The following RNF34 variants were observed in gnomAD, a reference collection of about 807,000 sequenced individuals.
RNF34 encodes E3 ubiquitin-protein ligase RNF34.
Under a neutral mutation model 37.9 loss-of-function variants are expected in RNF34, and 12 were observed. The ratio of observed to expected loss-of-function variants is 0.32; its 90% CI spans 0.20 to 0.51. The LOEUF is 0.51. Among genes scored for constraint, RNF34 ranks in the 20% least tolerant of loss-of-function variants. RNF34 has a pLI of 0.97. For missense variants in RNF34, 362 were observed against 472.7 expected (o/e 0.77, Z 2.17); for synonymous variants, 155 against 177.2 (o/e 0.87, Z 1.00).
At chr12:121,408,124 A>G (rs1870723781) in intron 1 of RNF34, among the ~76,000 whole-genome samples, 1 of 152,064 alleles carries the variant, frequency 6.6e-6, no homozygotes, top group Admixed American at 6.6e-5. Flanking sequence ...TGGGCAGCAT[A>G]TCAAGACCCC....
In RNF34 at chr12:121,420,179, G is replaced by C. The variant is rs1871987817; in HGVS notation, c.634-63G>C. On this transcript the variant is annotated intron_variant, in intron 3 of 5. Coordinates refer to ENST00000361234, the MANE Select transcript of RNF34 (RefSeq NM_025126.4). ...CATCATGGGGAGCATCAATGACAAGGTTTTCTCTAGTGATAAATACAGATT... is the reference window on the plus strand; with the variant it reads ...CATCATGGGGAGCATCAATGACAAGCTTTTCTCTAGTGATAAATACAGATT... 2.0e-6 allele frequency: 3 copies of C among 1,495,778 alleles called. No homozygotes were observed. The Admixed American group carries it at 5.1e-5, about 25-fold the overall frequency. The allele number at this position is 1,495,778 out of a possible 1,614,324, so 92.7% of individuals were successfully genotyped here. A position where few individuals can be genotyped will look rare whatever the true frequency, so the allele number is the denominator to read the frequency against.
Position 121,417,551 on chromosome 12 carries a change from C to G in RNF34, c.273C>G (p.Val91=). Residue 91 remains valine, a synonymous_variant, in exon 3 of 6, where the codon GTC becomes GTG. Transcript: ENST00000361234. This position sits in a 1 kb window ranked among gnomAD's most constrained non-coding sequence, Gnocchi z 5.0. Reference sequence around the variant, plus strand: ...AGGATTTTTGCTCCGTTTGTTCAGTCTTACAAGAAAATCTCCGTAGATGTT... The same window carrying G: ...AGGATTTTTGCTCCGTTTGTTCAGTGTTACAAGAAAATCTCCGTAGATGTT... ...CKKDFCSVCS[V]LQENLRRCST... 6.2e-7 allele frequency: 1 copy of G among 1,614,106 alleles called. No homozygotes were observed. The highest frequency in any genetic ancestry group is 1.1e-5 in the South Asian group (1 of 91,080).
chr12:121,414,167 A>T lies in RNF34; in HGVS notation c.7-1992A>T, dbSNP rs564619232. On this transcript the variant is annotated intron_variant, in intron 1 of 5. Coordinates refer to ENST00000361234, the MANE Select transcript of RNF34 (RefSeq NM_025126.4). Reference sequence around the variant, plus strand: ...ACAGTCCAGCATTTTACATGCTATTATAAAATGTTTGACAGAATCAGATAA... The same window carrying T: ...ACAGTCCAGCATTTTACATGCTATTTTAAAATGTTTGACAGAATCAGATAA... 7.3e-3 allele frequency among the ~76,000 whole-genome samples: 1,115 copies of T among 152,370 alleles called. 41 individuals are homozygous for T. Among genetic ancestry groups the T allele is most frequent in the Admixed American group, 0.057 (870 of 15,302 alleles).
At position 121,423,872 on chromosome 12, in the gene RNF34, T is replaced by C. The variant is rs1555283897; in HGVS notation, c.*296T>C. On this transcript the variant is annotated 3_prime_UTR_variant, in exon 6 of 6. Coordinates refer to ENST00000361234, the MANE Select transcript of RNF34 (RefSeq NM_025126.4). This position sits in a 1 kb window ranked among gnomAD's most constrained non-coding sequence, Gnocchi z 4.3. ...ATGTGGGCATCAGCCACTGCTGTCT[T>C]GGGAGGACACTTATCCTGTTCTCTT... The C allele has an allele frequency of 2.9e-6, 1 of 349,422 alleles. No individual in the cohort carries two copies. The highest frequency in any genetic ancestry group is 5.3e-6 in the Non-Finnish European group (1 of 188,198). The allele number at this position is 349,422 out of a possible 1,614,324, so 21.6% of individuals were successfully genotyped here. A position where few individuals can be genotyped will look rare whatever the true frequency, so the allele number is the denominator to read the frequency against.
In RNF34 at chr12:121,423,262, C is replaced by T. The variant is rs1317240518; in HGVS notation, c.929-124C>T. 4.6e-6 allele frequency: 3 copies of T among 652,454 alleles called. No homozygotes were observed. Among genetic ancestry groups the T allele is most frequent in the Non-Finnish European group, 7.9e-6 (3 of 380,468 alleles). The allele number at this position is 652,454 out of a possible 1,614,324, so 40.4% of individuals were successfully genotyped here. A position where few individuals can be genotyped will look rare whatever the true frequency, so the allele number is the denominator to read the frequency against. On this transcript the variant is annotated intron_variant, in intron 5 of 5. Transcript: ENST00000361234. This position sits in a 1 kb window ranked among gnomAD's most constrained non-coding sequence, Gnocchi z 4.3. ...GAAGTTGGGATTATTTCTTGTACAA[C>T]ACTGGGGTGGCATTGGGCCTGCAGG...
rs1281447262 is a variant in RNF34 at position 121,400,129 on chromosome 12, A to G, written c.-84A>G. 2 of 1,511,998 alleles carry G rather than the reference A, an allele frequency of 1.3e-6. No individual in the cohort carries two copies. The highest frequency in any genetic ancestry group is 1.8e-6 in the Non-Finnish European group (2 of 1,120,120). 93.7% of individuals were successfully genotyped at this position (1,511,998 alleles called of 1,614,324 possible). A position where few individuals can be genotyped will look rare whatever the true frequency, so the allele number is the denominator to read the frequency against. ...TCCCGGGGCGCGGTAATCACCGCCC[A>G]GAGGGAAGGAGGTCGGCAGTGTGAG... On this transcript the variant is annotated 5_prime_UTR_variant, in exon 1 of 6. Coordinates refer to ENST00000361234, the MANE Select transcript of RNF34 (RefSeq NM_025126.4).
At chr12:121,400,880 G>C (rs1326553870) in intron 1 of RNF34, among the ~76,000 whole-genome samples, 1 of 152,172 alleles carries the variant, frequency 6.6e-6, no homozygotes, top group African/African-American at 2.4e-5. Flanking sequence ...TTGAAGAAAA[G>C]GGGAAAGGGG....
chr12:121,422,444 C>T (rs1872249561), intron 5 of RNF34, among the ~76,000 whole-genome samples: 1 of 152,214 alleles, frequency 6.6e-6, no homozygotes, highest in African/African-American at 2.4e-5. Context: ...CTTGAGTTGC[C>T]TAGTGCCTTC....
At chr12:121,418,317 C>T (rs1555282655) in intron 3 of RNF34, 1 of 164,884 alleles carries the variant, frequency 6.1e-6, no homozygotes, top group African/African-American at 2.4e-5. Flanking sequence ...ATTTGTCTTG[C>T]TACAGTGAAA....
rs782659625 is a variant in RNF34, at chr12:121,423,358, G to A, written c.929-28G>A. On this transcript the variant is annotated intron_variant, in intron 5 of 5. Transcript: ENST00000361234. The surrounding 1 kb of genome is among the most constrained non-coding windows in gnomAD (Gnocchi z 4.3). ...TGGCTGACTGGCCATGCCTGAAGCC[G>A]AGGCCTTAGCTCTCTGTTGCCTTTC... 13 of 1,559,250 alleles carry A rather than the reference G, an allele frequency of 8.3e-6. No individual in the cohort carries two copies. The highest frequency in any genetic ancestry group is 3.6e-5 in the Admixed American group (2 of 54,932).
At position 121,423,281 on chromosome 12, in the gene RNF34, C is replaced by T. The variant is rs1872321479; in HGVS notation, c.929-105C>T. On this transcript the variant is annotated intron_variant, in intron 5 of 5. Transcript: ENST00000361234. The surrounding 1 kb of genome is among the most constrained non-coding windows in gnomAD (Gnocchi z 4.3). ...GTACAACACTGGGGTGGCATTGGGCCTGCAGGGGTCATTCAGCAGGTGGCT... is the reference window on the plus strand; with the variant it reads ...GTACAACACTGGGGTGGCATTGGGCTTGCAGGGGTCATTCAGCAGGTGGCT... 4.9e-6 allele frequency: 4 copies of T among 816,894 alleles called. No individual in the cohort carries two copies. Among genetic ancestry groups the T allele is most frequent in the African/African-American group, 1.7e-5 (1 of 58,324 alleles). 50.6% of individuals were successfully genotyped at this position (816,894 alleles called of 1,614,324 possible).
chr12:121,402,722 C>G, intron 1 of RNF34: 1 of 1,536,614 alleles, frequency 6.5e-7, no homozygotes, highest in Non-Finnish European at 8.9e-7. Context: ...AATTCCTTTT[C>G]CTTTTTTTTT....
Position 121,423,745 on chromosome 12 carries a change from A to G in RNF34, c.*169A>G, listed in dbSNP as rs1872364147. 3.1e-6 allele frequency: 2 copies of G among 637,318 alleles called. No individual in the cohort carries two copies. The highest frequency in any genetic ancestry group is 6.3e-5 in the Admixed American group (2 of 31,526). 39.5% of individuals were successfully genotyped at this position (637,318 alleles called of 1,614,324 possible). ...TCCTGAGTTGTGGAAACATTGGTCCATGCCGTGAGCCTGTCTGCCTGTGGA... is the reference window on the plus strand; with the variant it reads ...TCCTGAGTTGTGGAAACATTGGTCCGTGCCGTGAGCCTGTCTGCCTGTGGA... On this transcript the variant is annotated 3_prime_UTR_variant, in exon 6 of 6. Transcript: ENST00000361234. The surrounding 1 kb of genome is among the most constrained non-coding windows in gnomAD (Gnocchi z 4.3).
At chr12:121,408,987 T>C (rs1246501558) in intron 1 of RNF34, among the ~76,000 whole-genome samples, 1 of 152,090 alleles carries the variant, frequency 6.6e-6, no homozygotes, top group African/African-American at 2.4e-5. Flanking sequence ...TCTTTTTTTT[T>C]TTGAGATGGA....
chr12:121,417,947 C>A lies in RNF34; in HGVS notation c.633+36C>A. 6.3e-7 allele frequency: 1 copy of A among 1,592,822 alleles called. No homozygotes were observed. The highest frequency in any genetic ancestry group is 8.5e-7 in the Non-Finnish European group (1 of 1,169,872). ...GTAACTAATTACACCCAGGGCCCGGCACGCTTATTCTTGGCCGTATATGGT... is the reference window on the plus strand; with the variant it reads ...GTAACTAATTACACCCAGGGCCCGGAACGCTTATTCTTGGCCGTATATGGT... On this transcript the variant is annotated intron_variant, in intron 3 of 5. Coordinates refer to ENST00000361234, the MANE Select transcript of RNF34 (RefSeq NM_025126.4). The surrounding 1 kb of genome is among the most constrained non-coding windows in gnomAD (Gnocchi z 5.0).
intron 1 of RNF34, among the ~76,000 whole-genome samples, chr12:121,401,709 T>A (rs1870012662): frequency 6.6e-6 from 1 of 152,128 alleles, no homozygotes; most frequent in African/African-American, 2.4e-5. Flanking sequence ...AGGAAAGAAT[T>A]AGAGACAGGT....
At chr12:121,402,723 C>CA (rs1566221577) in intron 1 of RNF34, 2 of 1,504,932 alleles carry the variant, frequency 1.3e-6, no homozygotes, top group East Asian at 4.6e-5. Context: ...ATTCCTTTTC[C>CA]TTTTTTTTTC....
intron 1 of RNF34, among the ~76,000 whole-genome samples, chr12:121,401,850 C>T (rs960733315): frequency 2.6e-5 from 4 of 152,098 alleles, no homozygotes; most frequent in East Asian, 1.9e-4. Context: ...AGAAAAGATA[C>T]GTATTTTCAG....
rs376734127 is a variant in RNF34, at chr12:121,401,921, T to C, written c.6+1703T>C. Among the ~76,000 whole-genome samples the C allele has an allele frequency of 6.2e-4, 95 of 152,324 alleles. No homozygotes were observed. The South Asian group carries it at 0.014, about 22-fold the overall frequency. On this transcript the variant is annotated intron_variant, in intron 1 of 5. Transcript: ENST00000361234. ...GCCAGATGACAGTTATAAATGATGC[T>C]TTTGTTTTTGTGAAACTGGATTTAC... is the stretch of plus-strand genomic sequence containing the variant.
Sources: gnomAD v4.1 joint callset for allele counts (sites outside exome capture counted in the v4.1 genomes callset) on GRCh38, gnomAD v4.1.1 for gene constraint, Gnocchi (gnomAD v3.1) non-coding constraint, MANE v1.5 for transcripts, NCBI Gene and HGNC (gene_info 2026-07-23, HGNC 2026-07-21) for gene names.